Variants in PTBP1 observed in about 807,000 individuals in gnomAD.
The protein encoded by PTBP1 is polypyrimidine tract binding protein 1.
In PTBP1, 8 loss-of-function variants were observed where a neutral mutation model predicts 59.8. The observed-to-expected ratio is 0.13, with a 90% CI of 0.08 to 0.24. The LOEUF is 0.24. Ranked by LOEUF, PTBP1 falls within the 10% of genes least tolerant of loss-of-function variation. The pLI, the probability that PTBP1 is intolerant of heterozygous loss-of-function variation, is 1.00. For missense variants in PTBP1, 686 were observed against 767.0 expected, an observed-to-expected ratio of 0.89 and a Z score of 1.25; for synonymous variants, 490 against 320.7, an observed-to-expected ratio of 1.53 and a Z score of -5.64.
intron 2 of PTBP1, among the ~76,000 whole-genome samples, chr19:800,117 T>C (rs1206297502): frequency 2.0e-5 from 3 of 151,064 alleles, no homozygotes; most frequent in African/African-American, 4.9e-5. Flanking sequence ...TTTTTTTTTT[T>C]TTGGTAAAGA....
rs1047023414 is a variant in PTBP1 at position 810,973 on chromosome 19, TAAATC to T, written c.*148_*152del. Reference sequence around the variant, plus strand: ...TCAGTTTACCTGTTTTTAAAAAAATTAAATCTAGTTCACCTTGCTCACCCTGCGGT... The same window carrying T: ...TCAGTTTACCTGTTTTTAAAAAAATTTAGTTCACCTTGCTCACCCTGCGGT... On this transcript the variant is annotated 3_prime_UTR_variant, in exon 15 of 15. Transcript: ENST00000356948. 2 of 865,676 alleles carry T rather than the reference TAAATC, an allele frequency of 2.3e-6. No individual in the cohort carries two copies. The highest frequency in any genetic ancestry group is 1.8e-5 in the African/African-American group (1 of 55,858). 53.6% of individuals were successfully genotyped at this position (865,676 alleles called of 1,614,324 possible). A position where few individuals can be genotyped will look rare whatever the true frequency, so the allele number is the denominator to read the frequency against.
At chr19:802,528 G>T (rs1022016158) in intron 2 of PTBP1, among the ~76,000 whole-genome samples, 3 of 152,104 alleles carry the variant, frequency 2.0e-5, no homozygotes, top group African/African-American at 4.8e-5. Flanking sequence ...GCAGGTGGGG[G>T]CAGGCTCTTG....
At position 807,403 on chromosome 19, in the gene PTBP1, C is replaced by T. The variant is rs1384036895; in HGVS notation, c.1120-466C>T. 5.7e-5 allele frequency: 9 copies of T among 159,252 alleles called. No homozygotes were observed. The East Asian group carries it at 1.5e-3, about 27-fold the overall frequency. The allele number at this position is 159,252 out of a possible 1,614,324, so 9.9% of individuals were successfully genotyped here. ...AGCCCCTCCAGCAGCGCTGTCTCTG[C>T]CGGCATGTGAGTGAAGGTGCTTCTC... On this transcript the variant is annotated intron_variant, in intron 10 of 14. Coordinates refer to ENST00000356948, the MANE Select transcript of PTBP1 (RefSeq NM_002819.5).
At chr19:804,738 T>C in intron 6 of PTBP1, 36 bp downstream of exon 6, 1 of 1,609,760 alleles carries the variant, frequency 6.2e-7, no homozygotes, top group Non-Finnish European at 8.5e-7. Flanking sequence ...GCAGGTCGGC[T>C]GCTATTGCTG....
chr19:802,146 G>A (rs1346326060), intron 2 of PTBP1, among the ~76,000 whole-genome samples: 2 of 152,192 alleles, frequency 1.3e-5, no homozygotes, highest in Non-Finnish European at 2.9e-5. Context: ...TGCAGTTAGA[G>A]GTCTCATTGG....
At chr19:800,814 C>G (rs866992574) in intron 2 of PTBP1, among the ~76,000 whole-genome samples, 1 of 152,194 alleles carries the variant, frequency 6.6e-6, no homozygotes, top group East Asian at 1.9e-4. Flanking sequence ...TGCTTTCCAG[C>G]TGGAGTGGCC....
intron 2 of PTBP1, among the ~76,000 whole-genome samples, chr19:802,498 C>T (rs1442365105): frequency 6.6e-6 from 1 of 152,130 alleles, no homozygotes; most frequent in Admixed American, 6.5e-5. Context: ...CTTTCTGATG[C>T]GATGGCCCTG....
chr19:805,762 G>A, intron 9 of PTBP1, 193 bp downstream of exon 9: 1 of 601,326 alleles, frequency 1.7e-6, no homozygotes, highest in Non-Finnish European at 3.0e-6. Flanking sequence ...GGGCTGTGGA[G>A]GCCCACGTGT....
At chr19:805,275 T>TGCACC in intron 8 of PTBP1, 88 bp downstream of exon 8, 1 of 1,465,592 alleles carries the variant, frequency 6.8e-7, no homozygotes, top group Non-Finnish European at 9.3e-7. Flanking sequence ...GGCCCGGCCC[T>TGCACC]GCACCAGGGT....
intron 3 of PTBP1, 91 bp from the exon 4 acceptor site, chr19:803,945 G>A (rs10420407): frequency 0.09 from 133,869 of 1,494,826 alleles, 6,562 homozygotes; most frequent in Middle Eastern, 0.16. Flanking sequence ...GTTGGTCTCC[G>A]TAGCAGGCAG....
At chr19:798,126 G>A (rs2034162627) in intron 1 of PTBP1, among the ~76,000 whole-genome samples, 1 of 152,012 alleles carries the variant, frequency 6.6e-6, no homozygotes, top group Non-Finnish European at 1.5e-5. Flanking sequence ...CCGGGCCGCG[G>A]CCAAGGGGTT....
At position 810,811 on chromosome 19, in the gene PTBP1, C is replaced by T. The variant is rs781016217; in HGVS notation, c.1659C>T (p.Ser553=). The change falls in exon 15 of 15, where the codon TCC becomes TCT. Residue 553 remains serine (S), a synonymous_variant. Coordinates refer to ENST00000356948, the MANE Select transcript of PTBP1 (RefSeq NM_002819.5). ...ACCACCACCTGCGGGTCTCCTTCTC[C>T]AAGTCCACCATCTAGGGGCACAGGC... ...GENHHLRVSF[S]KSTI 1.9e-6 allele frequency: 3 copies of T among 1,583,402 alleles called. No individual in the cohort carries two copies. In the South Asian group the frequency reaches 3.5e-5, roughly 18 times the overall value.
chr19:809,307 C>CTATTT (rs113536288), intron 13 of PTBP1, among the ~76,000 whole-genome samples: 1 of 148,846 alleles, frequency 6.7e-6, no homozygotes, highest in Non-Finnish European at 1.5e-5. Context: ...CGCCTAGCCA[C>CTATTT]ATTTATTTAT....
chr19:806,805 C>G, intron 10 of PTBP1: 1 of 422,334 alleles, frequency 2.4e-6, no homozygotes, highest in Non-Finnish European at 4.2e-6. Flanking sequence ...TTTTGGTTAC[C>G]CAAAGGCAAT....
At chr19:800,543 C>T (rs972740770) in intron 2 of PTBP1, among the ~76,000 whole-genome samples, 3 of 152,156 alleles carry the variant, frequency 2.0e-5, no homozygotes, top group Non-Finnish European at 2.9e-5. Flanking sequence ...GAGAGCCTCC[C>T]GCAGGGCGAG....
chr19:806,232 G>C (rs1264797923), intron 9 of PTBP1, 176 bp from the exon 10 acceptor site: 2 of 604,234 alleles, frequency 3.3e-6, no homozygotes, highest in Non-Finnish European at 5.3e-6. Context: ...TGCAGGAGCC[G>C]GCGGGTGGCT....
At chr19:806,245 G>GC (rs1412139598) in intron 9 of PTBP1, 163 bp from the exon 10 acceptor site, 1 of 704,526 alleles carries the variant, frequency 1.4e-6, no homozygotes, top group Admixed American at 4.0e-5. Context: ...GGGTGGCTGT[G>GC]CGGGGGTCGG....
Position 812,090 on chromosome 19 carries a change from T to G in PTBP1, c.*1264T>G, listed in dbSNP as rs577486380. 1.3e-5 allele frequency: 2 copies of G among 152,318 alleles called. No homozygotes were observed. Among genetic ancestry groups the G allele is most frequent in the Non-Finnish European group, 2.9e-5 (2 of 68,018 alleles). The allele number at this position is 152,318 out of a possible 1,614,324, so 9.4% of individuals were successfully genotyped here. A position where few individuals can be genotyped will look rare whatever the true frequency, so the allele number is the denominator to read the frequency against. On this transcript the variant is annotated 3_prime_UTR_variant, in exon 15 of 15. Transcript: ENST00000356948. ...GCGGTTTTTTATGGTGACACAAATG[T>G]ATATTTTGCTAACAGCAATTCCAGG...
Position 804,199 on chromosome 19 carries a change from G to T in PTBP1, c.279G>T (p.Gly93=), listed in dbSNP as rs1188773675. The T allele has an allele frequency of 6.8e-6, 11 of 1,606,904 alleles. No individual in the cohort carries two copies. Among genetic ancestry groups the T allele is most frequent in the African/African-American group, 2.7e-5 (2 of 74,680 alleles). ...TCACCAACCTCCTGATGCTGAAGGGGAAAAACCAGGTACCTGAGCCGCGTT... is the reference window on the plus strand; with the variant it reads ...TCACCAACCTCCTGATGCTGAAGGGTAAAAACCAGGTACCTGAGCCGCGTT... ...GKVTNLLMLK[G]KNQAFIEMNT... Residue 93 remains glycine, a synonymous_variant, in exon 4 of 15, where the codon GGG becomes GGT. Transcript: ENST00000356948.
Sources: gnomAD v4.1 joint callset for allele counts (sites outside exome capture counted in the v4.1 genomes callset) on GRCh38, gnomAD v4.1.1 for gene constraint, MANE v1.5 for transcripts, NCBI Gene and HGNC (gene_info 2026-07-23, HGNC 2026-07-21) for gene names.